Variants in MAP3K4 observed in about 807,000 individuals in gnomAD.
MAP3K4 encodes the protein MAP three kinase 1.
MAP3K4 carries 67 observed loss-of-function variants against 185.6 expected under a neutral mutation model. The observed-to-expected ratio is 0.36, with a 90% CI of 0.30 to 0.44. MAP3K4 has a LOEUF of 0.44. Ranked by LOEUF, MAP3K4 falls within the 20% of genes least tolerant of loss-of-function variation. MAP3K4 has a pLI of 1.00. For missense variants in MAP3K4, 1,551 were observed against 1,995.1 expected, an observed-to-expected ratio of 0.78 and a Z score of 4.24; for synonymous variants, 702 against 710.4, an observed-to-expected ratio of 0.99 and a Z score of 0.19.
In MAP3K4 at chr6:161,034,327, A is replaced by T. The variant is rs576717524; in HGVS notation, c.221A>T (p.Glu74Val). The T allele has an allele frequency of 6.2e-7, 1 of 1,614,006 alleles. No individual in the cohort carries two copies. Among genetic ancestry groups the T allele is most frequent in the South Asian group, 1.1e-5 (1 of 91,078 alleles). The change falls in exon 2 of 27, where the codon GAA becomes GTA. Residue 74 changes from glutamate to valine, a missense_variant. Physicochemically the swap from Glu to Val is moderately radical, Grantham distance 121 (BLOSUM62 -2). Coordinates refer to ENST00000392142, the MANE Select transcript of MAP3K4 (RefSeq NM_005922.4). This position sits in a 1 kb window ranked among gnomAD's most constrained non-coding sequence, Gnocchi z 4.4. ...PESDLEDFSD[E>V]TNTENLYGTS... ...TCTGATCTAGAAGACTTCTCCGATG[A>T]AACAAATACAGAGAATCTTTATGGT...
Position 161,101,760 on chromosome 6 carries a change from G to C in MAP3K4, c.3675-132G>C. The C allele has an allele frequency of 2.8e-6, 2 of 711,750 alleles. No homozygotes were observed. The highest frequency in any genetic ancestry group is 3.5e-5 in the South Asian group (2 of 56,484). 44.1% of individuals were successfully genotyped at this position (711,750 alleles called of 1,614,324 possible). A position where few individuals can be genotyped will look rare whatever the true frequency, so the allele number is the denominator to read the frequency against. On this transcript the variant is annotated intron_variant, in intron 17 of 26. Transcript: ENST00000392142. The surrounding 1 kb of genome is among the most constrained non-coding windows in gnomAD (Gnocchi z 5.1). ...CCCTCCCAAAAGTGTCTAATACATTGCTGGAGGCAGAGTTGTTCCTGGCAG... is the reference window on the plus strand; with the variant it reads ...CCCTCCCAAAAGTGTCTAATACATTCCTGGAGGCAGAGTTGTTCCTGGCAG...
chr6:161,011,555 G>A (rs923422441), intron 1 of MAP3K4, among the ~76,000 whole-genome samples: 2 of 152,148 alleles, frequency 1.3e-5, no homozygotes, highest in African/African-American at 4.8e-5. Context: ...AAAGTAGGAT[G>A]TCAGAAGTAA....
In MAP3K4 at chr6:161,115,559, G is replaced by A. The variant is rs1028325890; in HGVS notation, c.4806+257G>A. Among the ~76,000 whole-genome samples the A allele has an allele frequency of 2.6e-5, 4 of 152,184 alleles. No individual in the cohort carries two copies. The highest frequency in any genetic ancestry group is 9.7e-5 in the African/African-American group (4 of 41,434). ...GTAAAATGGACTTTTAGATGGGACT[G>A]GATGAAAGAGTTTCCACTCTTGAGA... On this transcript the variant is annotated intron_variant, in intron 26 of 26. Coordinates refer to ENST00000392142, the MANE Select transcript of MAP3K4 (RefSeq NM_005922.4). This position sits in a 1 kb window ranked among gnomAD's most constrained non-coding sequence, Gnocchi z 6.0.
rs1236697872 is a variant in MAP3K4 at position 161,089,336 on chromosome 6, A to G, written c.2838A>G (p.Leu946=). ...TLRSMQVDNL[L]LVVMQSAHLT... ...TTTCCTCCCAGGTGGATAATCTTTT[A>G]CTAGTTGTCATGCAGTCTGCGCATC... The change falls in exon 11 of 27, where the codon TTA becomes TTG. Residue 946 remains leucine (L), a synonymous_variant. Transcript: ENST00000392142. 2 of 1,613,602 alleles carry G rather than the reference A, an allele frequency of 1.2e-6. No homozygotes were observed. Among genetic ancestry groups the G allele is most frequent in the South Asian group, 1.1e-5 (1 of 90,952 alleles).
chr6:161,072,744 A>G (rs1312258730), intron 4 of MAP3K4, among the ~76,000 whole-genome samples: 1 of 152,160 alleles, frequency 6.6e-6, no homozygotes, highest in Non-Finnish European at 1.5e-5. Flanking sequence ...ATCTCATATT[A>G]CAGTCCCTGT....
Position 161,114,436 on chromosome 6 carries a change from CAG to C in MAP3K4, c.4627-685_4627-684del, listed in dbSNP as rs1397102929. ...TAGCTATGCCTTGCAGCTGCTGAAA[CAG>C]ATCACATATAAGTGCTCAGTAAATA... On this transcript the variant is annotated intron_variant, in intron 25 of 26. Coordinates refer to ENST00000392142, the MANE Select transcript of MAP3K4 (RefSeq NM_005922.4). This position sits in a 1 kb window ranked among gnomAD's most constrained non-coding sequence, Gnocchi z 4.3. Among the ~76,000 whole-genome samples the C allele has an allele frequency of 5.3e-5, 8 of 152,298 alleles. No homozygotes were observed. The highest frequency in any genetic ancestry group is 6.8e-3 in the Middle Eastern group (2 of 294).
chr6:161,056,970 CTTTT>C lies in MAP3K4; in HGVS notation c.1707+6993_1707+6996del, dbSNP rs1784263954. On this transcript the variant is annotated intron_variant, in intron 3 of 26. Coordinates refer to ENST00000392142, the MANE Select transcript of MAP3K4 (RefSeq NM_005922.4). This position sits in a 1 kb window ranked among gnomAD's most constrained non-coding sequence, Gnocchi z 5.4. ...GTAATATGGTTATTTTGTGCTCCTC[CTTTT>C]TGATTTCCTTATGAACTTTATTTTC... 6.6e-6 allele frequency among the ~76,000 whole-genome samples: 1 copy of C among 152,086 alleles called. No homozygotes were observed. Among genetic ancestry groups the C allele is most frequent in the African/African-American group, 2.4e-5 (1 of 41,392 alleles).
chr6:160,991,868 T>C lies in MAP3K4; in HGVS notation c.-64T>C. ...TCGAGTCACTCCCGCACTTCGGGGC[T>C]CCGGTGCCCCGCGCCAGGCTGCAGC... On this transcript the variant is annotated 5_prime_UTR_variant, in exon 1 of 27. Coordinates refer to ENST00000392142, the MANE Select transcript of MAP3K4 (RefSeq NM_005922.4). This position sits in a 1 kb window ranked among gnomAD's most constrained non-coding sequence, Gnocchi z 5.7. 1 of 1,427,556 alleles carries C rather than the reference T, an allele frequency of 7.0e-7. No homozygotes were observed. Among genetic ancestry groups the C allele is most frequent in the Non-Finnish European group, 9.1e-7 (1 of 1,101,040 alleles). The allele number at this position is 1,427,556 out of a possible 1,614,324, so 88.4% of individuals were successfully genotyped here.
At position 161,037,276 on chromosome 6, in the gene MAP3K4, C is replaced by T. The variant is rs757770452; in HGVS notation, c.343+2827C>T. Among the ~76,000 whole-genome samples the T allele has an allele frequency of 5.3e-5, 8 of 152,170 alleles. No homozygotes were observed. The highest frequency in any genetic ancestry group is 2.0e-4 in the Admixed American group (3 of 15,286). On this transcript the variant is annotated intron_variant, in intron 2 of 26. Coordinates refer to ENST00000392142, the MANE Select transcript of MAP3K4 (RefSeq NM_005922.4). This position sits in a 1 kb window ranked among gnomAD's most constrained non-coding sequence, Gnocchi z 4.2. Reference sequence around the variant, plus strand: ...GCAGAATCTTGGTTGCTTGATCACCCGGACTCCAGTCCTGGTTCCGCTATC... The same window carrying T: ...GCAGAATCTTGGTTGCTTGATCACCTGGACTCCAGTCCTGGTTCCGCTATC...
rs1785516843 is a variant in MAP3K4, at chr6:161,082,765, T to G, written c.2255+1727T>G. 6.6e-6 allele frequency among the ~76,000 whole-genome samples: 1 copy of G among 152,126 alleles called. No individual in the cohort carries two copies. Among genetic ancestry groups the G allele is most frequent in the Non-Finnish European group, 1.5e-5 (1 of 68,030 alleles). ...CTCAAGCACTCCACACTTCCACTCT[T>G]CCCAGGTTGTCATTTCTCACGTATG... is the stretch of plus-strand genomic sequence containing the variant. On this transcript the variant is annotated intron_variant, in intron 6 of 26. Coordinates refer to ENST00000392142, the MANE Select transcript of MAP3K4 (RefSeq NM_005922.4). This position sits in a 1 kb window ranked among gnomAD's most constrained non-coding sequence, Gnocchi z 4.2.
chr6:161,060,577 C>T (rs532649712), intron 3 of MAP3K4, among the ~76,000 whole-genome samples: 1 of 150,238 alleles, frequency 6.7e-6, no homozygotes, highest in East Asian at 1.9e-4. Flanking sequence ...CATTGTATAT[C>T]TGTTCCAGGT....
At position 160,996,399 on chromosome 6, in the gene MAP3K4, C is replaced by T. The variant is rs11753446; in HGVS notation, c.152+4316C>T. 6.6e-5 allele frequency among the ~76,000 whole-genome samples: 10 copies of T among 152,168 alleles called. No homozygotes were observed. The highest frequency in any genetic ancestry group is 1.2e-4 in the Non-Finnish European group (8 of 68,040). On this transcript the variant is annotated intron_variant, in intron 1 of 26. Transcript: ENST00000392142. This position sits in a 1 kb window ranked among gnomAD's most constrained non-coding sequence, Gnocchi z 4.5. ...TCATGTATGCTCTCATGGTGTCCTGCAAATCTTGTTCTGAGCTCTGCTGAA... is the reference window on the plus strand; with the variant it reads ...TCATGTATGCTCTCATGGTGTCCTGTAAATCTTGTTCTGAGCTCTGCTGAA...
At chr6:161,011,058 A>T (rs192393941) in intron 1 of MAP3K4, among the ~76,000 whole-genome samples, 3 of 152,340 alleles carry the variant, frequency 2.0e-5, no homozygotes, top group Non-Finnish European at 4.4e-5. Context: ...TGAAGAGAAC[A>T]ACAGAAAGAA....
chr6:161,112,630 A>C lies in MAP3K4; in HGVS notation c.4520-38A>C. 5 of 1,340,270 alleles carry C rather than the reference A, an allele frequency of 3.7e-6. No homozygotes were observed. Among genetic ancestry groups the C allele is most frequent in the Non-Finnish European group, 5.1e-6 (5 of 988,578 alleles). The allele number at this position is 1,340,270 out of a possible 1,614,324, so 83.0% of individuals were successfully genotyped here. A position where few individuals can be genotyped will look rare whatever the true frequency, so the allele number is the denominator to read the frequency against. On this transcript the variant is annotated intron_variant, in intron 24 of 26. Coordinates refer to ENST00000392142, the MANE Select transcript of MAP3K4 (RefSeq NM_005922.4). This position sits in a 1 kb window ranked among gnomAD's most constrained non-coding sequence, Gnocchi z 5.1. ...TCTATTAATACATGTTGATGTGTTT[A>C]TAACCCATTACTCTCAACATATCTG...
Position 161,067,813 on chromosome 6 carries a change from T to C in MAP3K4, c.1708-2795T>C, listed in dbSNP as rs891580927. Among the ~76,000 whole-genome samples, 4 of 152,254 alleles carry C rather than the reference T, an allele frequency of 2.6e-5. No homozygotes were observed. The highest frequency in any genetic ancestry group is 7.2e-5 in the African/African-American group (3 of 41,464). ...AGAAGGCATATCCTCGTTTCTGTCA[T>C]TAAGTGTATCTCAGTTATGCCAAGT... On this transcript the variant is annotated intron_variant, in intron 3 of 26. Coordinates refer to ENST00000392142, the MANE Select transcript of MAP3K4 (RefSeq NM_005922.4). This position sits in a 1 kb window ranked among gnomAD's most constrained non-coding sequence, Gnocchi z 6.3.
intron 19 of MAP3K4, among the ~76,000 whole-genome samples, 193 bp downstream of exon 19, chr6:161,102,972 TAACA>T (rs1162106610): frequency 6.6e-6 from 1 of 152,216 alleles, no homozygotes; most frequent in African/African-American, 2.4e-5. Flanking sequence ...CTATTTCTAG[TAACA>T]AACTACATGC....
chr6:161,013,703 G>A (rs981579845), intron 1 of MAP3K4, among the ~76,000 whole-genome samples: 5 of 152,226 alleles, frequency 3.3e-5, no homozygotes, highest in Non-Finnish European at 7.3e-5. Context: ...TGCTGCTGCA[G>A]GGCAGGGCTG....
chr6:161,091,656 A>G lies in MAP3K4; in HGVS notation c.3135+116A>G. ...TATTGTAATCATAGCTTAATCAAGA[A>G]TATCATCTTATATCACTGCTGTATA... On this transcript the variant is annotated intron_variant, in intron 12 of 26. Coordinates refer to ENST00000392142, the MANE Select transcript of MAP3K4 (RefSeq NM_005922.4). The surrounding 1 kb of genome is among the most constrained non-coding windows in gnomAD (Gnocchi z 5.5). 1 of 838,882 alleles carries G rather than the reference A, an allele frequency of 1.2e-6. No individual in the cohort carries two copies. Among genetic ancestry groups the G allele is most frequent in the Non-Finnish European group, 1.9e-6 (1 of 533,814 alleles). The allele number at this position is 838,882 out of a possible 1,614,324, so 52.0% of individuals were successfully genotyped here.
chr6:161,021,794 A>G (rs1782404807), intron 1 of MAP3K4, among the ~76,000 whole-genome samples: 1 of 152,220 alleles, frequency 6.6e-6, no homozygotes, highest in South Asian at 2.1e-4. Context: ...TCATTGTTGA[A>G]TGAAATAAAG....
Sources: allele counts gnomAD v4.1 joint callset (sites outside exome capture counted in the v4.1 genomes callset), GRCh38; gene constraint gnomAD v4.1.1; non-coding constraint Gnocchi (gnomAD v3.1); transcripts MANE v1.5; gene names NCBI Gene and HGNC (gene_info 2026-07-23, HGNC 2026-07-21).